The following ESR2 variants were observed in gnomAD, a reference collection of about 807,000 sequenced individuals.
ESR2 encodes estrogen receptor beta.
ESR2 carries 36 observed loss-of-function variants against 49.6 expected under a neutral mutation model. The ratio of observed to expected loss-of-function variants is 0.73; its 90% CI spans 0.56 to 0.96. The LOEUF (loss-of-function observed/expected upper bound fraction) is 0.96. Among genes scored for constraint, ESR2 ranks in the 40% least tolerant of loss-of-function variants. The pLI, the probability that ESR2 is intolerant of heterozygous loss-of-function variation, is 0.00. For missense variants in ESR2, 714 were observed against 693.0 expected (o/e 1.03, Z -0.34); for synonymous variants, 320 against 266.1 (o/e 1.20, Z -1.97).
At chr14:64,237,702 C>G (rs1276964634) in intron 7 of ESR2, among the ~76,000 whole-genome samples, 1 of 152,188 alleles carries the variant, frequency 6.6e-6, no homozygotes, top group East Asian at 1.9e-4. Flanking sequence ...TAGTATTCAG[C>G]TACGAAAAGG....
rs536039530 is a variant in ESR2, at chr14:64,229,386, C to G, written c.*3751G>C. Among the ~76,000 whole-genome samples, 2 of 152,056 alleles carry G rather than the reference C, an allele frequency of 1.3e-5. No individual in the cohort carries two copies. Among genetic ancestry groups the G allele is most frequent in the Non-Finnish European group, 2.9e-5 (2 of 68,002 alleles). On this transcript the variant is annotated 3_prime_UTR_variant, in exon 9 of 9. Coordinates refer to ENST00000341099, the MANE Select transcript of ESR2 (RefSeq NM_001437.3). ...GCTTTGCCATGAGTAGTTTTATGACCTTGAATAGGTGAATTTGCCCCCGTG... is the reference window on the plus strand; with the variant it reads ...GCTTTGCCATGAGTAGTTTTATGACGTTGAATAGGTGAATTTGCCCCCGTG...
intron 4 of ESR2, among the ~76,000 whole-genome samples, chr14:64,261,945 G>A (rs1322412860): frequency 6.6e-6 from 1 of 151,634 alleles, no homozygotes. Flanking sequence ...TAGAACTAGG[G>A]TCTTACTATG....
chr14:64,294,106 C>T lies in ESR2; in HGVS notation c.-164G>A, dbSNP rs1463247808. On this transcript the variant is annotated 5_prime_UTR_variant, in exon 1 of 9. Transcript: ENST00000341099. ...GCTTTTCCCGCATTAGGGGGGGTCT[C>T]CCGGCGCGCGCCCCGCCGCCACCTG... The T allele has an allele frequency of 2.0e-5, 3 of 152,340 alleles. No individual in the cohort carries two copies. The highest frequency in any genetic ancestry group is 7.2e-5 in the African/African-American group (3 of 41,448). The allele number at this position is 152,340 out of a possible 1,614,324, so 9.4% of individuals were successfully genotyped here.
Position 64,242,677 on chromosome 14 carries a change from T to C in ESR2, c.1225+6869A>G, listed in dbSNP as rs139581567. ...GGGAAATTGGTCTGTTGTCTTCTTT[T>C]CTTCTAGTGTGTTAGTCTGAGTGTT... On this transcript the variant is annotated intron_variant, in intron 7 of 8. Transcript: ENST00000341099. 5.5e-4 allele frequency among the ~76,000 whole-genome samples: 84 copies of C among 152,246 alleles called. 1 individual carries two copies. The East Asian group carries it at 0.014, about 24-fold the overall frequency.
intron 1 of ESR2, among the ~76,000 whole-genome samples, chr14:64,289,062 A>T (rs1278217989): frequency 6.6e-6 from 1 of 152,028 alleles, no homozygotes. Context: ...ATAGAGCAGA[A>T]CATTCATTCT....
chr14:64,262,280 A>G (rs968033530), intron 4 of ESR2, among the ~76,000 whole-genome samples: 2 of 151,812 alleles, frequency 1.3e-5, no homozygotes, highest in Non-Finnish European at 2.9e-5. Context: ...ACATCTGACT[A>G]ATTTTTGTAT....
chr14:64,266,611 C>A (rs144934777), intron 4 of ESR2, among the ~76,000 whole-genome samples: 1 of 152,218 alleles, frequency 6.6e-6, no homozygotes, highest in Admixed American at 6.5e-5. Flanking sequence ...TATTTGCAAT[C>A]TTTTGTCAGA....
chr14:64,290,790 A>G (rs1405224025), intron 1 of ESR2, among the ~76,000 whole-genome samples: 1 of 152,218 alleles, frequency 6.6e-6, no homozygotes, highest in Non-Finnish European at 1.5e-5. Context: ...ATCACCAGAG[A>G]ACTCATCATT....
chr14:64,337,714 G>T (rs36108515), intron 1 of ESR2, among the ~76,000 whole-genome samples: 1,701 of 152,268 alleles, frequency 0.011, 60 homozygotes, highest in East Asian at 0.088. Flanking sequence ...AATTCCATAT[G>T]TGGGACTACT....
chr14:64,286,769 G>A lies in ESR2; in HGVS notation c.-90-3694C>T, dbSNP rs150169001. Among the ~76,000 whole-genome samples the A allele has an allele frequency of 6.0e-3, 916 of 152,294 alleles. 12 individuals are homozygous for A. The highest frequency in any genetic ancestry group is 0.021 in the African/African-American group (878 of 41,542). On this transcript the variant is annotated intron_variant, in intron 1 of 8. Transcript: ENST00000341099. ...CACTCTGTCACCCAGGCTGGAGAGT[G>A]CAGTGGTGTGATCTCGGCTCATTGC...
rs2098727205 is a variant in ESR2, at chr14:64,231,486, A to G, written c.*1651T>C. 6.6e-6 allele frequency: 1 copy of G among 152,354 alleles called. No homozygotes were observed. 9.4% of individuals were successfully genotyped at this position (152,354 alleles called of 1,614,324 possible). A position where few individuals can be genotyped will look rare whatever the true frequency, so the allele number is the denominator to read the frequency against. ...CTTCAGACTGCCTCAGAACACAGAC[A>G]TCAGTGTGTTCTCTAGGTACTTGTC... is the stretch of plus-strand genomic sequence containing the variant. On this transcript the variant is annotated 3_prime_UTR_variant, in exon 9 of 9. Coordinates refer to ENST00000341099, the MANE Select transcript of ESR2 (RefSeq NM_001437.3).
intron 1 of ESR2, among the ~76,000 whole-genome samples, chr14:64,291,553 T>C (rs1298555752): frequency 6.6e-6 from 1 of 152,246 alleles, no homozygotes; most frequent in Non-Finnish European, 1.5e-5. Context: ...TATATATATA[T>C]GTTAGCAGTA....
At chr14:64,257,183 A>C (rs1009253443) in intron 6 of ESR2, 43 bp downstream of exon 6, 3 of 1,591,484 alleles carry the variant, frequency 1.9e-6, no homozygotes, top group African/African-American at 2.7e-5. Context: ...TAAGCACCTT[A>C]CTCAAACAAG....
At chr14:64,251,880 A>G (rs1443495402) in intron 6 of ESR2, among the ~76,000 whole-genome samples, 1 of 152,258 alleles carries the variant, frequency 6.6e-6, no homozygotes, top group African/African-American at 2.4e-5. Context: ...ATGACAGCCC[A>G]GTAAAGGTCT....
chr14:64,246,379 C>CT (rs1358752659), intron 7 of ESR2, among the ~76,000 whole-genome samples: 1 of 152,084 alleles, frequency 6.6e-6, no homozygotes, highest in Admixed American at 6.6e-5. Context: ...GGGACTTCTC[C>CT]TTCCTGGCAC....
At chr14:64,249,439 T>A in intron 7 of ESR2, 107 bp downstream of exon 7, 1 of 1,332,028 alleles carries the variant, frequency 7.5e-7, no homozygotes, top group Non-Finnish European at 1.0e-6. Flanking sequence ...GAAACCATTT[T>A]ACCCTTTCAA....
chr14:64,318,931 C>T (rs760976957), intron 1 of ESR2, among the ~76,000 whole-genome samples: 2 of 151,944 alleles, frequency 1.3e-5, no homozygotes, highest in Non-Finnish European at 2.9e-5. Flanking sequence ...ATCCCAGCTA[C>T]TAGGGAGGCT....
intron 6 of ESR2, 151 bp from the exon 7 acceptor site, chr14:64,249,830 C>T: frequency 1.5e-6 from 1 of 673,738 alleles, no homozygotes; most frequent in Admixed American, 3.4e-5. Flanking sequence ...GTTAATGAGA[C>T]CACACCCAGC....
chr14:64,312,148 G>GT (rs1334840817), intron 1 of ESR2, among the ~76,000 whole-genome samples: 12 of 151,978 alleles, frequency 7.9e-5, no homozygotes, highest in Non-Finnish European at 1.0e-4. Context: ...TCAATACACT[G>GT]TATTAAGTCA....
Sources: gnomAD v4.1 joint callset for allele counts (sites outside exome capture counted in the v4.1 genomes callset) on GRCh38, gnomAD v4.1.1 for gene constraint, MANE v1.5 for transcripts, NCBI Gene and HGNC (gene_info 2026-07-23, HGNC 2026-07-21) for gene names.